The following RALY variants were observed in gnomAD, a reference collection of about 807,000 sequenced individuals.
The protein encoded by RALY is RALY heterogeneous nuclear ribonucleoprotein, also known as RNA-binding protein Raly.
In RALY, 15 loss-of-function variants were observed where a neutral mutation model predicts 30.7. The observed-to-expected ratio is 0.49, with a 90% confidence interval of 0.33 to 0.75. The LOEUF (loss-of-function observed/expected upper bound fraction) is 0.75. Ranked by LOEUF, RALY falls within the 30% of genes least tolerant of loss-of-function variation. RALY has a pLI of 0.02. For missense variants in RALY, 339 were observed against 414.3 expected (o/e 0.82, Z 1.58); for synonymous variants, 177 against 170.8 (o/e 1.04, Z -0.28).
chr20:34,066,476 G>A (rs1601498214), intron 2 of RALY, among the ~76,000 whole-genome samples: 1 of 152,148 alleles, frequency 6.6e-6, no homozygotes, highest in East Asian at 1.9e-4. Flanking sequence ...TCTGGTGAGA[G>A]CCCTCTTACA....
chr20:34,021,278 A>C (rs1179130708), intron 1 of RALY, among the ~76,000 whole-genome samples: 1 of 152,120 alleles, frequency 6.6e-6, no homozygotes, highest in Admixed American at 6.6e-5. Flanking sequence ...TCACCGTCTT[A>C]GTCCATTTTG....
Position 34,076,777 on chromosome 20 carries a change from G to T in RALY, c.620G>T (p.Arg207Leu). The stretch of plus-strand genomic sequence containing the variant: ...TCCAATATCGATGCCCTGCTGAGCC[G>T]CTTGGAGCAGATCGCTGCGGAGCAA... Reference protein sequence around the residue: ...IKSNIDALLSRLEQIAAEQKA... With the variant: ...IKSNIDALLSLLEQIAAEQKA... The change falls in exon 7 of 10, where the codon CGC becomes CTC. Residue 207 changes from arginine (R) to leucine (L), a missense_variant. Coordinates refer to ENST00000246194, the MANE Select transcript of RALY (RefSeq NM_016732.3). 2 of 1,614,118 alleles carry T rather than the reference G, an allele frequency of 1.2e-6. No homozygotes were observed. The highest frequency in any genetic ancestry group is 1.1e-5 in the South Asian group (1 of 91,070).
intron 1 of RALY, among the ~76,000 whole-genome samples, chr20:34,020,243 G>T (rs902004872): frequency 2.0e-5 from 3 of 152,224 alleles, no homozygotes; most frequent in African/African-American, 7.2e-5. Flanking sequence ...AGGCTAGTCA[G>T]GGAACATGAG....
intron 3 of RALY, 129 bp from the exon 4 acceptor site, chr20:34,073,434 C>T: frequency 1.2e-6 from 1 of 817,572 alleles, no homozygotes. Context: ...CCTTTGTTGG[C>T]ACCATCAGTG....
At chr20:34,059,190 T>C (rs2033344767) in intron 2 of RALY, among the ~76,000 whole-genome samples, 2 of 152,206 alleles carry the variant, frequency 1.3e-5, no homozygotes, top group African/African-American at 2.4e-5. Flanking sequence ...TGCTGTCTTA[T>C]AGGGTCAAGC....
chr20:34,024,626 G>C (rs558584823), intron 1 of RALY, among the ~76,000 whole-genome samples: 86 of 152,266 alleles, frequency 5.6e-4, no homozygotes, highest in African/African-American at 1.9e-3. Context: ...AATGTCACCT[G>C]TCATTAAGAA....
At position 34,083,550 on chromosome 20, in the gene RALY, C is replaced by G. The variant is rs547717597; in HGVS notation, c.*3645C>G. 1 of 152,376 alleles carries G rather than the reference C, an allele frequency of 6.6e-6. No homozygotes were observed. The highest frequency in any genetic ancestry group is 2.1e-4 in the South Asian group (1 of 4,828). 9.4% of individuals were successfully genotyped at this position (152,376 alleles called of 1,614,324 possible). On this transcript the variant is annotated 3_prime_UTR_variant, in exon 10 of 10. Transcript: ENST00000246194. ...ATGGCCATATTTAAAAAATCTACCT[C>G]AGGACTCATTTCACTTGCCAACTCA...
intron 2 of RALY, among the ~76,000 whole-genome samples, chr20:34,071,742 CAG>C (rs1425088010): frequency 6.6e-6 from 1 of 152,080 alleles, no homozygotes; most frequent in Non-Finnish European, 1.5e-5. Flanking sequence ...TCAAGCAGAT[CAG>C]GGGGTCAGAT....
rs548394422 is a variant in RALY, at chr20:34,082,543, A to G, written c.*2638A>G. Reference sequence around the variant, plus strand: ...TGGAGAACCGTGAGAAAAGCAGGGAAGATACCTTCAAGGGTAGCAGGCATC... The same window carrying G: ...TGGAGAACCGTGAGAAAAGCAGGGAGGATACCTTCAAGGGTAGCAGGCATC... On this transcript the variant is annotated 3_prime_UTR_variant, in exon 10 of 10. Transcript: ENST00000246194. 6.6e-6 allele frequency: 1 copy of G among 152,362 alleles called. No individual in the cohort carries two copies. The highest frequency in any genetic ancestry group is 2.1e-4 in the South Asian group (1 of 4,830). The allele number at this position is 152,362 out of a possible 1,614,324, so 9.4% of individuals were successfully genotyped here.
chr20:34,054,604 T>C (rs1242525991), intron 2 of RALY, among the ~76,000 whole-genome samples: 1 of 152,158 alleles, frequency 6.6e-6, no homozygotes, highest in African/African-American at 2.4e-5. Context: ...GGCAGGTGGA[T>C]CACTTGAGGT....
Position 34,073,928 on chromosome 20 carries a change from T to C in RALY, c.377+62T>C. On this transcript the variant is annotated intron_variant, in intron 5 of 9. Coordinates refer to ENST00000246194, the MANE Select transcript of RALY (RefSeq NM_016732.3). ...CCAAGCTGGAAGGGTCTTGAGAGAT[T>C]GTTGGTGCAGCCCACTGAGTTCTCC... is the stretch of plus-strand genomic sequence containing the variant. 1.5e-5 allele frequency: 24 copies of C among 1,563,128 alleles called. 1 individual carries two copies. The highest frequency in any genetic ancestry group is 6.7e-5 in the South Asian group (6 of 89,546).
intron 1 of RALY, among the ~76,000 whole-genome samples, chr20:33,998,711 G>C (rs1373753697): frequency 6.6e-6 from 1 of 152,202 alleles, no homozygotes; most frequent in Non-Finnish European, 1.5e-5. Context: ...CTGGCTGCCT[G>C]TTCAGGAGCG....
At chr20:34,030,065 A>G (rs79492151) in intron 1 of RALY, 2 of 152,428 alleles carry the variant, frequency 1.3e-5, no homozygotes, top group African/African-American at 2.4e-5. Flanking sequence ...CTGGACTGCA[A>G]GTATATGGAG....
intron 1 of RALY, among the ~76,000 whole-genome samples, chr20:34,012,120 C>T (rs1002251925): frequency 1.3e-5 from 2 of 151,956 alleles, no homozygotes; most frequent in Admixed American, 6.5e-5. Flanking sequence ...GGGCAGGCCC[C>T]GCTTCAAACT....
intron 2 of RALY, among the ~76,000 whole-genome samples, chr20:34,067,807 T>C (rs1226448817): frequency 1.0e-5 from 1 of 100,178 alleles, no homozygotes; most frequent in Non-Finnish European, 2.0e-5. Flanking sequence ...CGTAGCTTTT[T>C]TCTTTTTTCT....
At position 34,077,076 on chromosome 20, in the gene RALY, G is replaced by A. The variant is rs1260363435; in HGVS notation, c.707G>A (p.Gly236Asp). 1 of 1,606,330 alleles carries A rather than the reference G, an allele frequency of 6.2e-7. No individual in the cohort carries two copies. Among genetic ancestry groups the A allele is most frequent in the East Asian group, 2.2e-5 (1 of 44,718 alleles). ...GGTGGCGCCGGCGGCGGCGGCGGTG[G>A]TGGTGGCAGCGGTGGCGGTGGCAGT... ...DGGGAGGGGG[G>D]GGSGGGGSGG... Residue 236 changes from glycine to aspartate, a missense_variant, in exon 8 of 10, where the codon GGT (glycine) becomes GAT (aspartate). Coordinates refer to ENST00000246194, the MANE Select transcript of RALY (RefSeq NM_016732.3).
At chr20:34,078,342 G>C (rs1247190914) in intron 8 of RALY, among the ~76,000 whole-genome samples, 163 bp from the exon 9 acceptor site, 1 of 152,216 alleles carries the variant, frequency 6.6e-6, no homozygotes, top group Non-Finnish European at 1.5e-5. Flanking sequence ...AGCCAGCTTT[G>C]TTGGCTGGTC....
intron 1 of RALY, among the ~76,000 whole-genome samples, chr20:34,008,597 C>T (rs1429205328): frequency 6.6e-6 from 1 of 152,218 alleles, no homozygotes; most frequent in Non-Finnish European, 1.5e-5. Flanking sequence ...AGGTCACATA[C>T]TGGTAGCCCC....
At chr20:34,066,856 A>C (rs2033587446) in intron 2 of RALY, among the ~76,000 whole-genome samples, 1 of 152,198 alleles carries the variant, frequency 6.6e-6, no homozygotes, top group East Asian at 1.9e-4. Context: ...TAAGAGATAT[A>C]AACTGGCTTT....
Sources: gnomAD v4.1 joint callset for allele counts (sites outside exome capture counted in the v4.1 genomes callset) on GRCh38, gnomAD v4.1.1 for gene constraint, MANE v1.5 for transcripts, NCBI Gene and HGNC (gene_info 2026-07-23, HGNC 2026-07-21) for gene names.